Variants in MAPKBP1 observed in about 807,000 individuals in gnomAD.
MAPKBP1 encodes the protein mitogen-activated protein kinase binding protein 1.
Under a neutral mutation model 170.5 loss-of-function variants are expected in MAPKBP1, and 71 were observed. The observed-to-expected ratio is 0.42, with a 90% confidence interval of 0.34 to 0.51. MAPKBP1 has a LOEUF of 0.51. MAPKBP1 is among the 20% of genes least tolerant of loss of function. The pLI is 0.06. For synonymous variants in MAPKBP1, 719 were observed against 757.9 expected, an observed-to-expected ratio of 0.95 and a Z score of 0.84; for missense variants, 1,598 against 1,933.0, an observed-to-expected ratio of 0.83 and a Z score of 3.25.
Position 41,817,381 on chromosome 15 carries a change from T to G in MAPKBP1, c.1712-7T>G. On this transcript the variant is annotated splice_polypyrimidine_tract_variant and splice_region_variant and intron_variant, in intron 14 of 30. Coordinates refer to ENST00000457542, the MANE Select transcript of MAPKBP1 (RefSeq NM_014994.3). The surrounding 1 kb of genome is among the most constrained non-coding windows in gnomAD (Gnocchi z 4.2). ...AGTGGGAACAGCTGGGCTTCCCTCC[T>G]TCATAGCCAGTGATGGGCAAGTCCG... 6.2e-7 allele frequency: 1 copy of G among 1,614,136 alleles called. No individual in the cohort carries two copies. Among genetic ancestry groups the G allele is most frequent in the African/African-American group, 1.3e-5 (1 of 75,024 alleles).
At position 41,803,434 on chromosome 15, in the gene MAPKBP1, A is replaced by AAAAAAAAAAAAAAAAAAG. The variant is rs58804270; in HGVS notation, c.206+3521_206+3522insAAAAAAAAAAAAAAAAGA. ...ATCTCAAAAAAAAAAAAAAAAAAAA[A>AAAAAAAAAAAAAAAAAAG]AGGTTAAGCAGGCAGGGTGCAGTGG... On this transcript the variant is annotated intron_variant, in intron 3 of 30. Transcript: ENST00000457542. 6.1e-4 allele frequency among the ~76,000 whole-genome samples: 55 copies of AAAAAAAAAAAAAAAAAAG among 90,766 alleles called. 15 individuals carry two copies. The East Asian group carries it at 7.2e-3, about 12-fold the overall frequency. The allele number at this position is 90,766 out of a possible 152,430, so 59.5% of individuals were successfully genotyped here. A position where few individuals can be genotyped will look rare whatever the true frequency, so the allele number is the denominator to read the frequency against.
chr15:41,813,228 G>T (rs1305187863), intron 8 of MAPKBP1, 127 bp downstream of exon 8: 10 of 1,508,498 alleles, frequency 6.6e-6, no homozygotes, highest in South Asian at 1.2e-5. Context: ...AACGAAGCTT[G>T]GGGGAGCTAG....
rs527425892 is a variant in MAPKBP1, at chr15:41,819,444, T to C, written c.2425+65T>C. 85 of 1,602,826 alleles carry C rather than the reference T, an allele frequency of 5.3e-5. No homozygotes were observed. In the African/African-American group the frequency reaches 1.0e-3, roughly 19 times the overall value. ...TGGTATAATGGCTAGATATGGTTTT[T>C]CTGAGACTGTGGGGTGAGAGCAGTG... On this transcript the variant is annotated intron_variant, in intron 21 of 30. Transcript: ENST00000457542.
Position 41,815,359 on chromosome 15 carries a change from G to T in MAPKBP1, c.1271G>T (p.Ser424Ile). 1 of 1,614,180 alleles carries T rather than the reference G, an allele frequency of 6.2e-7. No homozygotes were observed. The highest frequency in any genetic ancestry group is 8.5e-7 in the Non-Finnish European group (1 of 1,180,038). ...DNTIRLWNTE[S>I]SGVHGSTLHR... ...ACCATCCGCCTGTGGAACACAGAGA[G>T]CTCCGGGGTGCATGGCTCCACCCTC... Residue 424 changes from serine (S) to isoleucine (I), a missense_variant, in exon 11 of 31, where the codon AGC (serine) becomes ATC (isoleucine). Coordinates refer to ENST00000457542, the MANE Select transcript of MAPKBP1 (RefSeq NM_014994.3).
intron 28 of MAPKBP1, 32 bp from the exon 29 acceptor site, chr15:41,823,415 C>A: frequency 6.3e-7 from 1 of 1,585,754 alleles, no homozygotes; most frequent in Non-Finnish European, 8.6e-7. Flanking sequence ...TCCTCAACAC[C>A]TGACCTGTGT....
intron 5 of MAPKBP1, 124 bp downstream of exon 5, chr15:41,811,359 G>C: frequency 9.9e-7 from 1 of 1,014,994 alleles, no homozygotes; most frequent in South Asian, 1.3e-5. Context: ...CCTGGTTTTC[G>C]CTATACCTTA....
chr15:41,799,288 A>G (rs2064548389), intron 2 of MAPKBP1, among the ~76,000 whole-genome samples: 1 of 152,134 alleles, frequency 6.6e-6, no homozygotes, highest in Non-Finnish European at 1.5e-5. Context: ...ACTGGCAGAC[A>G]TTTGGGAGGT....
At chr15:41,820,176 G>A (rs1169843179) in intron 22 of MAPKBP1, among the ~76,000 whole-genome samples, 1 of 152,150 alleles carries the variant, frequency 6.6e-6, no homozygotes, top group African/African-American at 2.4e-5. Flanking sequence ...GGGGATCAAG[G>A]TGTTCAGAGC....
At chr15:41,775,619 C>T (rs1273497613) in intron 2 of MAPKBP1, among the ~76,000 whole-genome samples, 1 of 152,190 alleles carries the variant, frequency 6.6e-6, no homozygotes, top group Non-Finnish European at 1.5e-5. Context: ...GGAAGACCAC[C>T]TGGGTTCAAT....
At chr15:41,811,576 A>C (rs2064806482) in intron 5 of MAPKBP1, 4 of 613,656 alleles carry the variant, frequency 6.5e-6, no homozygotes, top group African/African-American at 5.5e-5. Flanking sequence ...ACTATTCCTT[A>C]CCCCCGGGGG....
intron 1 of MAPKBP1, chr15:41,774,818 G>T (rs1191642904): frequency 3.0e-5 from 12 of 402,382 alleles, no homozygotes; most frequent in Non-Finnish European, 4.4e-5. Flanking sequence ...GTCCAGGCCT[G>T]CGGAAATCCC....
intron 2 of MAPKBP1, among the ~76,000 whole-genome samples, chr15:41,793,038 G>C (rs141791667): frequency 1.8e-3 from 271 of 152,144 alleles, no homozygotes; most frequent in African/African-American, 3.6e-3. Context: ...ACTTCCACTA[G>C]ATAATGTCAG....
rs1427624485 is a variant in MAPKBP1, at chr15:41,823,079, C to A, written c.3455C>A (p.Pro1152His). 6.2e-7 allele frequency: 1 copy of A among 1,613,904 alleles called. No homozygotes were observed. The stretch of plus-strand genomic sequence containing the variant: ...GAGGTGGAACCGTCCTCTGGCAACC[C>A]CAGCCCCCAGCAGGCAGCCTCTGTG... Reference protein sequence around the residue: ...PPEVEPSSGNPSPQQAASVLL... With the variant: ...PPEVEPSSGNHSPQQAASVLL... The change falls in exon 28 of 31, where the codon CCC (proline) becomes CAC (histidine). Residue 1152 changes from proline (P) to histidine (H), a missense_variant. Transcript: ENST00000457542.
At position 41,819,555 on chromosome 15, in the gene MAPKBP1, G is replaced by GGGGGC. The variant is rs1555454090; in HGVS notation, c.2426-38_2426-37insGGCGG. The GGGGGC allele has an allele frequency of 7.1e-4, 1,045 of 1,481,510 alleles. 5 individuals are homozygous for GGGGGC. In the South Asian group the frequency reaches 7.8e-3, roughly 11 times the overall value. 91.8% of individuals were successfully genotyped at this position (1,481,510 alleles called of 1,614,324 possible). A position where few individuals can be genotyped will look rare whatever the true frequency, so the allele number is the denominator to read the frequency against. On this transcript the variant is annotated intron_variant, in intron 21 of 30. Transcript: ENST00000457542. The stretch of plus-strand genomic sequence containing the variant: ...GCTCCAGGGTTGGGTGGCGGGGGGG[G>GGGGGC]GGCAGGAGACACTTCCTCTGACTGC...
chr15:41,827,652 A>G lies in MAPKBP1; in HGVS notation c.*2216A>G, dbSNP rs2065138360. On this transcript the variant is annotated 3_prime_UTR_variant, in exon 31 of 31. Transcript: ENST00000457542. ...CGGCCGGCGCCCCGTCCCCTTCTGC[A>G]TGTCTGAGGCCACCGGCAACCGCCG... The G allele has an allele frequency of 6.5e-6, 1 of 153,128 alleles. No individual in the cohort carries two copies. Among genetic ancestry groups the G allele is most frequent in the South Asian group, 2.0e-4 (1 of 4,946 alleles). 9.5% of individuals were successfully genotyped at this position (153,128 alleles called of 1,614,324 possible).
At position 41,825,169 on chromosome 15, in the gene MAPKBP1, G is replaced by A. The variant is rs186315508; in HGVS notation, c.4300-40G>A. ...GGCCCCTCCCTTTTATATGTCTGTT[G>A]ACAGGCTCCTCCACCTCACTTCTGG... On this transcript the variant is annotated intron_variant, in intron 30 of 30. Transcript: ENST00000457542. The A allele has an allele frequency of 7.2e-6, 11 of 1,518,142 alleles. No individual in the cohort carries two copies. In the African/African-American group the frequency reaches 1.5e-4, roughly 21 times the overall value. 94.0% of individuals were successfully genotyped at this position (1,518,142 alleles called of 1,614,324 possible).
chr15:41,775,422 C>T (rs1331169169), intron 2 of MAPKBP1, 33 bp downstream of exon 2: 1 of 1,457,562 alleles, frequency 6.9e-7, no homozygotes, highest in Non-Finnish European at 9.6e-7. Flanking sequence ...TCTTTCCAAA[C>T]CCACCCTCTC....
rs1285972940 is a variant in MAPKBP1 at position 41,823,752 on chromosome 15, C to G, written c.3904C>G (p.Pro1302Ala). 6.2e-6 allele frequency: 10 copies of G among 1,614,084 alleles called. No homozygotes were observed. Among genetic ancestry groups the G allele is most frequent in the Non-Finnish European group, 8.5e-6 (10 of 1,180,038 alleles). The change falls in exon 29 of 31, where the codon CCT becomes GCT. Residue 1302 changes from proline (P) to alanine (A), a missense_variant. Physicochemically the swap from Pro to Ala is conservative, Grantham distance 27 (BLOSUM62 -1). This residue lies in a region of MAPKBP1 where 942 missense variants were observed against 953.2 expected (regional missense o/e 0.99). Coordinates refer to ENST00000457542, the MANE Select transcript of MAPKBP1 (RefSeq NM_014994.3). ...LDIPKPLPDRPTLAAFSPVTK... is the reference protein window; with the variant it reads ...LDIPKPLPDRATLAAFSPVTK... ...CATCCCCAAACCACTGCCTGACCGT[C>G]CTACCCTGGCTGCATTCTCTCCTGT...
At chr15:41,823,334 G>A in intron 28 of MAPKBP1, 112 bp downstream of exon 28, 1 of 1,544,946 alleles carries the variant, frequency 6.5e-7, no homozygotes, top group Non-Finnish European at 8.7e-7. Context: ...CTGGCCACTA[G>A]GTGTCCCTTA....
Sources: allele counts gnomAD v4.1 joint callset (sites outside exome capture counted in the v4.1 genomes callset), GRCh38; gene constraint gnomAD v4.1.1; regional missense constraint gnomAD v4.1.1; non-coding constraint Gnocchi (gnomAD v3.1); transcripts MANE v1.5; gene names NCBI Gene and HGNC (gene_info 2026-07-23, HGNC 2026-07-21).